The following IL1RAP variants were observed in gnomAD, a reference collection of about 807,000 sequenced individuals.
IL1RAP encodes interleukin 1 receptor accessory protein, also known as interleukin-1 receptor accessory protein.
IL1RAP carries 35 observed loss-of-function variants against 60.7 expected under a neutral mutation model. The ratio of observed to expected loss-of-function variants is 0.58; its 90% CI spans 0.44 to 0.76. The LOEUF is 0.76. IL1RAP is among the 30% of genes least tolerant of loss of function. IL1RAP has a pLI of 0.00. For missense variants in IL1RAP, 572 were observed against 693.9 expected (o/e 0.82, Z 1.97); for synonymous variants, 268 against 250.9 (o/e 1.07, Z -0.64).
rs532224046 is a variant in IL1RAP, at chr3:190,641,010, G to A, written c.1052-3238G>A. ...GACAGAGTTTTGCTCTTGTTGCCAA[G>A]GCTGGAGTGCAATGGTGCAATCTTG... On this transcript the variant is annotated intron_variant, in intron 9 of 11. Transcript: ENST00000447382. 3.9e-5 allele frequency among the ~76,000 whole-genome samples: 6 copies of A among 152,140 alleles called. No homozygotes were observed. In the South Asian group the frequency reaches 1.0e-3, roughly 26 times the overall value.
At chr3:190,597,828 A>T (rs911089962) in intron 3 of IL1RAP, among the ~76,000 whole-genome samples, 4 of 152,146 alleles carry the variant, frequency 2.6e-5, no homozygotes, top group African/African-American at 9.7e-5. Flanking sequence ...CTCTTTCCCA[A>T]TCGGCATTCT....
intron 8 of IL1RAP, among the ~76,000 whole-genome samples, chr3:190,627,904 T>C (rs1732449268): frequency 6.6e-6 from 1 of 152,166 alleles, no homozygotes; most frequent in Non-Finnish European, 1.5e-5. Context: ...ATTTGTGCCT[T>C]AGGTAATTGT....
At chr3:190,635,136 G>A (rs1733120936) in intron 9 of IL1RAP, among the ~76,000 whole-genome samples, 1 of 151,992 alleles carries the variant, frequency 6.6e-6, no homozygotes. Flanking sequence ...TTTCATCTAA[G>A]TTGTCACATT....
At chr3:190,555,205 T>C (rs1191547735) in intron 1 of IL1RAP, among the ~76,000 whole-genome samples, 7 of 152,074 alleles carry the variant, frequency 4.6e-5, no homozygotes, top group African/African-American at 1.5e-4. Context: ...AGGTGATATG[T>C]CTGTTTTGGG....
At chr3:190,636,637 A>C (rs1358859949) in intron 9 of IL1RAP, among the ~76,000 whole-genome samples, 2 of 151,712 alleles carry the variant, frequency 1.3e-5, no homozygotes, top group African/African-American at 4.8e-5. Flanking sequence ...TCTTATAATT[A>C]GTATATGTTT....
chr3:190,631,804 T>G (rs1288317007), intron 9 of IL1RAP, among the ~76,000 whole-genome samples: 1 of 152,182 alleles, frequency 6.6e-6, no homozygotes, highest in Non-Finnish European at 1.5e-5. Context: ...TATTTTTATT[T>G]ATTTTTTATT....
intron 3 of IL1RAP, among the ~76,000 whole-genome samples, chr3:190,591,122 A>G (rs1728904551): frequency 6.6e-6 from 1 of 152,208 alleles, no homozygotes; most frequent in Non-Finnish European, 1.5e-5. Context: ...GTTGAGCACA[A>G]TTCAGTTTGA....
At chr3:190,521,116 A>G (rs1241545213) in intron 1 of IL1RAP, among the ~76,000 whole-genome samples, 1 of 152,226 alleles carries the variant, frequency 6.6e-6, no homozygotes. Flanking sequence ...AGGCTTATGC[A>G]TAGGGATTTT....
At chr3:190,577,038 T>C (rs1727535548) in intron 3 of IL1RAP, among the ~76,000 whole-genome samples, 1 of 148,312 alleles carries the variant, frequency 6.7e-6, no homozygotes, top group Non-Finnish European at 1.5e-5. Context: ...GAGGCGGAGC[T>C]TGCAGGGAGC....
intron 9 of IL1RAP, chr3:190,630,143 C>T (rs1039725310): frequency 4.0e-6 from 3 of 756,544 alleles, no homozygotes; most frequent in South Asian, 1.2e-4. Context: ...TTATAATATA[C>T]CAGCAGCCAC....
intron 5 of IL1RAP, among the ~76,000 whole-genome samples, chr3:190,615,946 T>G (rs1731232992): frequency 6.6e-6 from 1 of 152,216 alleles, no homozygotes; most frequent in South Asian, 2.1e-4. Flanking sequence ...GTTCTTTAAC[T>G]CTTTTCTTTA....
At chr3:190,529,815 G>A (rs936750027) in intron 1 of IL1RAP, among the ~76,000 whole-genome samples, 5 of 148,072 alleles carry the variant, frequency 3.4e-5, no homozygotes, top group African/African-American at 7.6e-5. Flanking sequence ...AGATCACAGC[G>A]CCACTGCACT....
chr3:190,648,891 G>T lies in IL1RAP; in HGVS notation c.*186G>T. On this transcript the variant is annotated 3_prime_UTR_variant, in exon 12 of 12. Transcript: ENST00000447382. ...CTCAGGCAACACTAAAGTTTAGAAA[G>T]ATATCATCAACGTTCTGTCACCAGT... 2 of 1,387,462 alleles carry T rather than the reference G, an allele frequency of 1.4e-6. No individual in the cohort carries two copies. Among genetic ancestry groups the T allele is most frequent in the South Asian group, 1.8e-5 (1 of 57,050 alleles). 85.9% of individuals were successfully genotyped at this position (1,387,462 alleles called of 1,614,324 possible).
chr3:190,517,447 A>G (rs1213447838), intron 1 of IL1RAP, among the ~76,000 whole-genome samples: 1 of 152,134 alleles, frequency 6.6e-6, no homozygotes, highest in Admixed American at 6.5e-5. Flanking sequence ...CAAAGGTGGC[A>G]TTTGCAGAAA....
rs397688284 is a variant in IL1RAP, at chr3:190,620,263, T to TA, written c.538-11dup. ...CTAAAAAGTAAACTTTTTTTTTTTT[T>TA]ACTTTTTCTAGGGCTGTTATAAAAT... On this transcript the variant is annotated splice_polypyrimidine_tract_variant and intron_variant, in intron 5 of 11. Transcript: ENST00000447382. 6 of 1,482,262 alleles carry TA rather than the reference T, an allele frequency of 4.0e-6. No homozygotes were observed. The highest frequency in any genetic ancestry group is 2.3e-5 in the Admixed American group (1 of 44,400). 91.8% of individuals were successfully genotyped at this position (1,482,262 alleles called of 1,614,324 possible).
chr3:190,620,183 C>T (rs1266758350), intron 5 of IL1RAP, 92 bp from the exon 6 acceptor site: 5 of 629,910 alleles, frequency 7.9e-6, no homozygotes, highest in Non-Finnish European at 1.3e-5. Flanking sequence ...TTTCGGTGTT[C>T]TGTGCAAAAT....
intron 3 of IL1RAP, among the ~76,000 whole-genome samples, chr3:190,576,280 A>G (rs1048513672): frequency 2.0e-5 from 3 of 152,230 alleles, no homozygotes; most frequent in Non-Finnish European, 4.4e-5. Flanking sequence ...TTTAAAAATT[A>G]GTATAGCACA....
chr3:190,589,290 T>G (rs1459889430), intron 3 of IL1RAP, among the ~76,000 whole-genome samples: 1 of 152,166 alleles, frequency 6.6e-6, no homozygotes, highest in African/African-American at 2.4e-5. Context: ...CCCCACCTCT[T>G]GAATTCTTCC....
Position 190,604,376 on chromosome 3 carries a change from C to A in IL1RAP, c.313C>A (p.Leu105Ile). The change falls in exon 4 of 12, where the codon CTC becomes ATC. Residue 105 changes from leucine (L) to isoleucine (I), a missense_variant. Physicochemically the swap from Leu to Ile is conservative, Grantham distance 5. Coordinates refer to ENST00000447382, the MANE Select transcript of IL1RAP (RefSeq NM_002182.4). ...AGATGTGCTGTGGTTCCGGCCCACT[C>A]TCCTCAATGACACTGGCAACTATAC... Reference protein sequence around the residue: ...EKDVLWFRPTLLNDTGNYTCM... With the variant: ...EKDVLWFRPTILNDTGNYTCM... The A allele has an allele frequency of 6.2e-7, 1 of 1,613,760 alleles. No individual in the cohort carries two copies. The highest frequency in any genetic ancestry group is 1.7e-4 in the Middle Eastern group (1 of 5,938).
Sources: allele counts gnomAD v4.1 joint callset (sites outside exome capture counted in the v4.1 genomes callset), GRCh38; gene constraint gnomAD v4.1.1; transcripts MANE v1.5; gene names NCBI Gene and HGNC (gene_info 2026-07-23, HGNC 2026-07-21).